Variants in SEC22A observed in about 807,000 individuals in gnomAD.
SEC22A encodes vesicle-trafficking protein SEC22a.
In SEC22A, 22 loss-of-function variants were observed where a neutral mutation model predicts 35.3. The observed-to-expected ratio is 0.62, with a 90% confidence interval of 0.45 to 0.89. SEC22A has a LOEUF of 0.89. Among genes scored for constraint, SEC22A ranks in the 40% least tolerant of loss-of-function variants. SEC22A has a pLI of 0.00. For missense variants in SEC22A, 354 were observed against 362.5 expected (o/e 0.98, Z 0.19); for synonymous variants, 119 against 129.5 (o/e 0.92, Z 0.55).
intron 5 of SEC22A, among the ~76,000 whole-genome samples, chr3:123,256,061 GA>G (rs1311622308): frequency 6.6e-6 from 1 of 151,718 alleles, no homozygotes; most frequent in African/African-American, 2.4e-5. Context: ...TCACACCAAA[GA>G]ATTTAACATT....
intron 4 of SEC22A, 125 bp downstream of exon 4, chr3:123,225,422 A>G: frequency 2.0e-6 from 1 of 510,136 alleles, no homozygotes; most frequent in Non-Finnish European, 3.2e-6. Flanking sequence ...TAGAAGTTCA[A>G]AGCAATCCTT....
intron 2 of SEC22A, among the ~76,000 whole-genome samples, chr3:123,216,777 T>C (rs1244597954): frequency 1.3e-5 from 2 of 152,214 alleles, no homozygotes; most frequent in Non-Finnish European, 2.9e-5. Context: ...TTGGTGATAA[T>C]ACAATTCATA....
intron 6 of SEC22A, among the ~76,000 whole-genome samples, chr3:123,262,073 T>TC (rs1937905994): frequency 6.6e-6 from 1 of 152,160 alleles, no homozygotes; most frequent in Admixed American, 6.5e-5. Flanking sequence ...GCTGTTTTTT[T>TC]CCCCCACAGT....
At chr3:123,249,542 T>G (rs997203601) in intron 5 of SEC22A, among the ~76,000 whole-genome samples, 3 of 152,120 alleles carry the variant, frequency 2.0e-5, no homozygotes, top group African/African-American at 7.2e-5. Context: ...TATATGTATT[T>G]GAGATGGAGT....
At chr3:123,218,497 G>T (rs1221304840) in intron 2 of SEC22A, among the ~76,000 whole-genome samples, 1 of 152,040 alleles carries the variant, frequency 6.6e-6, no homozygotes, top group African/African-American at 2.4e-5. Flanking sequence ...TAATGACAGT[G>T]ATAAAGGGAG....
intron 2 of SEC22A, among the ~76,000 whole-genome samples, chr3:123,220,621 A>G (rs1385081119): frequency 2.0e-5 from 3 of 152,012 alleles, no homozygotes; most frequent in Non-Finnish European, 4.4e-5. Context: ...TTTTATTTCA[A>G]TTTCTGGAAA....
In SEC22A at chr3:123,272,025, A is replaced by C. The variant is rs1053326094; in HGVS notation, c.*303A>C. On this transcript the variant is annotated 3_prime_UTR_variant, in exon 7 of 7. Transcript: ENST00000492595. ...CAGCAGTCCTGAATCCTTCCTGAAG[A>C]GTTCAGAAAATAGATGTGGTATTGC... The C allele has an allele frequency of 2.8e-6, 1 of 353,156 alleles. No individual in the cohort carries two copies. Among genetic ancestry groups the C allele is most frequent in the Admixed American group, 4.4e-5 (1 of 22,904 alleles). The allele number at this position is 353,156 out of a possible 1,614,324, so 21.9% of individuals were successfully genotyped here.
intron 2 of SEC22A, among the ~76,000 whole-genome samples, chr3:123,215,298 T>C (rs1226024889): frequency 6.6e-6 from 1 of 152,240 alleles, no homozygotes; most frequent in Non-Finnish European, 1.5e-5. Context: ...CTTTTGCAGA[T>C]AGATACTCTC....
At chr3:123,229,875 A>T (rs574031508) in intron 4 of SEC22A, among the ~76,000 whole-genome samples, 4,396 of 150,938 alleles carry the variant, frequency 0.029, 88 homozygotes, top group African/African-American at 0.045. Context: ...AAAAAAAAAT[A>T]AATAATAATA....
chr3:123,229,567 A>G (rs1937277297), intron 4 of SEC22A, among the ~76,000 whole-genome samples: 1 of 152,260 alleles, frequency 6.6e-6, no homozygotes, highest in South Asian at 2.1e-4. Context: ...ATAAGAAATA[A>G]TAAAGGAAAT....
chr3:123,217,495 G>C (rs573060067), intron 2 of SEC22A, among the ~76,000 whole-genome samples: 1 of 151,906 alleles, frequency 6.6e-6, no homozygotes, highest in Non-Finnish European at 1.5e-5. Flanking sequence ...TTACAGGCGT[G>C]AGCCACCGCA....
At chr3:123,241,595 T>G (rs116718818) in intron 4 of SEC22A, among the ~76,000 whole-genome samples, 1,906 of 152,276 alleles carry the variant, frequency 0.013, 37 homozygotes, top group African/African-American at 0.044. Context: ...ATTCAAGTCT[T>G]CCTCCCTCCC....
At chr3:123,229,357 C>T (rs779719432) in intron 4 of SEC22A, among the ~76,000 whole-genome samples, 4 of 152,142 alleles carry the variant, frequency 2.6e-5, no homozygotes, top group Non-Finnish European at 5.9e-5. Context: ...ATAAGATTAA[C>T]AGCTGACTTC....
chr3:123,248,018 A>G (rs553983472), intron 5 of SEC22A, among the ~76,000 whole-genome samples: 26 of 152,192 alleles, frequency 1.7e-4, no homozygotes, highest in Non-Finnish European at 3.1e-4. Flanking sequence ...CCCATCCATC[A>G]TAAAAACTTG....
At chr3:123,264,058 C>T (rs1415005268) in intron 6 of SEC22A, among the ~76,000 whole-genome samples, 4 of 151,974 alleles carry the variant, frequency 2.6e-5, no homozygotes, top group Non-Finnish European at 4.4e-5. Flanking sequence ...TGTGCTGCCA[C>T]ACCCAGCTAA....
At chr3:123,254,777 A>C (rs1937683082) in intron 5 of SEC22A, among the ~76,000 whole-genome samples, 1 of 151,986 alleles carries the variant, frequency 6.6e-6, no homozygotes, top group African/African-American at 2.4e-5. Context: ...GTACATGTGC[A>C]CAACGTGCAG....
chr3:123,209,570 GTTTC>G (rs750056721), intron 2 of SEC22A, among the ~76,000 whole-genome samples, 171 bp downstream of exon 2: 3 of 152,144 alleles, frequency 2.0e-5, no homozygotes, highest in Non-Finnish European at 4.4e-5. Context: ...CCTTTTTGTA[GTTTC>G]TTTGTATCTG....
At chr3:123,208,131 C>G (rs1936880779) in intron 1 of SEC22A, among the ~76,000 whole-genome samples, 1 of 152,170 alleles carries the variant, frequency 6.6e-6, no homozygotes, top group African/African-American at 2.4e-5. Flanking sequence ...TGTAAAACAA[C>G]ATTTGCAATT....
In SEC22A at chr3:123,272,535, A is replaced by G. The variant is rs773424612; in HGVS notation, c.*813A>G. 6 of 152,196 alleles carry G rather than the reference A, an allele frequency of 3.9e-5. No homozygotes were observed. The highest frequency in any genetic ancestry group is 8.8e-5 in the Non-Finnish European group (6 of 68,042). 9.4% of individuals were successfully genotyped at this position (152,196 alleles called of 1,614,324 possible). ...AAAATGAATCCTGCTCCAAGTGGAA[A>G]ACCAGTATCAGTTTGCCATAAATAA... On this transcript the variant is annotated 3_prime_UTR_variant, in exon 7 of 7. Coordinates refer to ENST00000492595, the MANE Select transcript of SEC22A (RefSeq NM_012430.5).
Sources: allele counts gnomAD v4.1 joint callset (sites outside exome capture counted in the v4.1 genomes callset), GRCh38; gene constraint gnomAD v4.1.1; transcripts MANE v1.5; gene names NCBI Gene and HGNC (gene_info 2026-07-23, HGNC 2026-07-21).